PITPNM3: variants seen among roughly 807,000 people sequenced by gnomAD.
PITPNM3 encodes the protein PITPNM family member 3.
A neutral mutation model predicts 102.0 loss-of-function variants in PITPNM3; 26 were observed. The observed-to-expected ratio is 0.25, with a 90% CI of 0.19 to 0.35. The LOEUF (loss-of-function observed/expected upper bound fraction) is 0.35, where lower values mean the gene tolerates loss of function less well. Ranked by LOEUF, PITPNM3 falls within the 10% of genes least tolerant of loss-of-function variation. The pLI, the probability that PITPNM3 is intolerant of heterozygous loss-of-function variation, is 1.00. For synonymous variants in PITPNM3, 578 were observed against 558.6 expected (o/e 1.03, Z -0.49); for missense variants, 1,083 against 1,346.1 (o/e 0.80, Z 3.06).
chr17:6,496,206 A>C (rs1365236986), intron 4 of PITPNM3, among the ~76,000 whole-genome samples: 1 of 151,952 alleles, frequency 6.6e-6, no homozygotes, highest in African/African-American at 2.4e-5. Context: ...GGTTTGTGTG[A>C]GCCTTCCGTT....
chr17:6,519,719 A>G (rs1908402983), intron 3 of PITPNM3, among the ~76,000 whole-genome samples: 1 of 151,770 alleles, frequency 6.6e-6, no homozygotes, highest in African/African-American at 2.4e-5. Flanking sequence ...AATCCTGGCT[A>G]TTCGGGAGGC....
At chr17:6,512,594 A>G (rs988128078) in intron 3 of PITPNM3, among the ~76,000 whole-genome samples, 2 of 152,184 alleles carry the variant, frequency 1.3e-5, no homozygotes, top group Non-Finnish European at 2.9e-5. Flanking sequence ...CCAAAGTCAC[A>G]TTTCTAACCA....
chr17:6,516,542 C>T (rs1179509244), intron 3 of PITPNM3, among the ~76,000 whole-genome samples: 3 of 131,242 alleles, frequency 2.3e-5, no homozygotes, highest in Non-Finnish European at 4.6e-5. Flanking sequence ...CCAGCGTGGG[C>T]GACAGAGACA....
chr17:6,482,042 CTCTCTCTCTCTCTCTCTCTCTCTG>C (rs1905761347), intron 6 of PITPNM3, among the ~76,000 whole-genome samples: 1 of 48,082 alleles, frequency 2.1e-5, no homozygotes, highest in Non-Finnish European at 3.6e-5. Flanking sequence ...CTCTGTCTGT[CTCTCTCTCTCTCTCTCTCTCTCTG>C]TCTCTCTCTC....
chr17:6,462,472 A>G (rs1904514103), intron 17 of PITPNM3, among the ~76,000 whole-genome samples: 3 of 151,970 alleles, frequency 2.0e-5, no homozygotes, highest in Admixed American at 2.0e-4. Context: ...ACTCCCCTAC[A>G]CAGCCCCTAC....
chr17:6,523,738 C>T (rs1433786609), intron 3 of PITPNM3, among the ~76,000 whole-genome samples: 1 of 152,260 alleles, frequency 6.6e-6, no homozygotes, highest in African/African-American at 2.4e-5. Flanking sequence ...AAAGGACCCA[C>T]TGGCAGATAC....
chr17:6,462,814 T>C (rs1002299212), intron 17 of PITPNM3, among the ~76,000 whole-genome samples: 5 of 152,122 alleles, frequency 3.3e-5, no homozygotes, highest in Non-Finnish European at 7.4e-5. Flanking sequence ...TTAGTTCTGA[T>C]GTGGGGCCCA....
intron 3 of PITPNM3, among the ~76,000 whole-genome samples, chr17:6,519,880 C>T (rs548671886): frequency 1.1e-4 from 16 of 151,974 alleles, no homozygotes; most frequent in African/African-American, 2.2e-4. Context: ...GATGCTGTAA[C>T]TAGAAAAAAC....
At chr17:6,513,179 A>G (rs1907969487) in intron 3 of PITPNM3, among the ~76,000 whole-genome samples, 2 of 152,228 alleles carry the variant, frequency 1.3e-5, no homozygotes, top group Non-Finnish European at 2.9e-5. Context: ...GACAACAACA[A>G]AAGATTCATA....
At chr17:6,548,315 G>A (rs1362871334) in intron 1 of PITPNM3, among the ~76,000 whole-genome samples, 5 of 152,184 alleles carry the variant, frequency 3.3e-5, no homozygotes, top group South Asian at 2.1e-4. Flanking sequence ...CCCCAGAGGC[G>A]GAGCTCTCAT....
chr17:6,530,551 G>A (rs1029756459), intron 2 of PITPNM3, among the ~76,000 whole-genome samples: 2 of 152,196 alleles, frequency 1.3e-5, no homozygotes, highest in Non-Finnish European at 1.5e-5. Flanking sequence ...AGACATGGGG[G>A]TAAATGCAGA....
chr17:6,531,044 A>G (rs527693180), intron 2 of PITPNM3, among the ~76,000 whole-genome samples: 1 of 152,362 alleles, frequency 6.6e-6, no homozygotes, highest in Non-Finnish European at 1.5e-5. Flanking sequence ...AGGCACTCCC[A>G]GTAACACTAT....
intron 2 of PITPNM3, among the ~76,000 whole-genome samples, chr17:6,534,830 G>A (rs897916641): frequency 2.6e-5 from 4 of 152,144 alleles, no homozygotes; most frequent in Non-Finnish European, 5.9e-5. Context: ...GGCAGAGGAG[G>A]GAGTACAGAT....
At position 6,494,163 on chromosome 17, in the gene PITPNM3, A is replaced by G. The variant is rs73978303; in HGVS notation, c.274+9364T>C. On this transcript the variant is annotated intron_variant, in intron 4 of 19. Transcript: ENST00000262483. Reference sequence around the variant, plus strand: ...TAAAGATGAGAAAACCAAGGATTGGAAAGGTAAAGTGATTTCTCTCAAGAT... The same window carrying G: ...TAAAGATGAGAAAACCAAGGATTGGGAAGGTAAAGTGATTTCTCTCAAGAT... Among the ~76,000 whole-genome samples, 1,044 of 152,272 alleles carry G rather than the reference A, an allele frequency of 6.9e-3. 9 individuals are homozygous for G. Among genetic ancestry groups the G allele is most frequent in the African/African-American group, 0.022 (926 of 41,556 alleles).
Position 6,461,413 on chromosome 17 carries a change from A to G in PITPNM3, c.2450T>C (p.Leu817Pro). Residue 817 changes from leucine to proline, a missense_variant, in exon 18 of 20, where the codon CTG (leucine) becomes CCG (proline). Physicochemically the swap from Leu to Pro is moderately conservative, Grantham distance 98 (BLOSUM62 -3). Coordinates refer to ENST00000262483, the MANE Select transcript of PITPNM3 (RefSeq NM_031220.4). The stretch of plus-strand genomic sequence containing the variant: ...GCGCAGGAAGATGGCCTTCTGCCGC[A>G]GCGGGTCATGCACCAGCCCATCGGA... ...FFSDGLVHDP[L>P]RQKAIFLRNL... 6.2e-7 allele frequency: 1 copy of G among 1,614,166 alleles called. No individual in the cohort carries two copies. Among genetic ancestry groups the G allele is most frequent in the South Asian group, 1.1e-5 (1 of 91,086 alleles).
intron 4 of PITPNM3, among the ~76,000 whole-genome samples, 181 bp downstream of exon 4, chr17:6,503,346 G>A (rs1907296285): frequency 6.6e-6 from 1 of 152,130 alleles, no homozygotes; most frequent in Non-Finnish European, 1.5e-5. Context: ...TCAGTTCATG[G>A]GTTAGAGAGG....
rs955919510 is a variant in PITPNM3, at chr17:6,452,309, C to A, written c.*3029G>T. ...CCTGGGCTAAGGATGCACCCTGAAC[C>A]CCAACAGGGCAAATGATAAAGGAAG... On this transcript the variant is annotated 3_prime_UTR_variant, in exon 20 of 20. Transcript: ENST00000262483. The A allele has an allele frequency of 6.6e-6, 1 of 152,156 alleles. No individual in the cohort carries two copies. The allele number at this position is 152,156 out of a possible 1,614,324, so 9.4% of individuals were successfully genotyped here. A position where few individuals can be genotyped will look rare whatever the true frequency, so the allele number is the denominator to read the frequency against.
chr17:6,520,426 A>C (rs1362361618), intron 3 of PITPNM3, among the ~76,000 whole-genome samples: 3 of 152,236 alleles, frequency 2.0e-5, no homozygotes, highest in Non-Finnish European at 4.4e-5. Context: ...AGTAGAGAAT[A>C]TTATAGTACA....
At chr17:6,535,995 C>T (rs1909400882) in intron 2 of PITPNM3, among the ~76,000 whole-genome samples, 1 of 149,404 alleles carries the variant, frequency 6.7e-6, no homozygotes, top group Non-Finnish European at 1.5e-5. Context: ...ACCCAGGAGG[C>T]AGAGGTTGTA....
Sources: gnomAD v4.1 joint callset for allele counts (sites outside exome capture counted in the v4.1 genomes callset) on GRCh38, gnomAD v4.1.1 for gene constraint, MANE v1.5 for transcripts, NCBI Gene and HGNC (gene_info 2026-07-23, HGNC 2026-07-21) for gene names.